CPLX3: variants seen among roughly 807,000 people sequenced by gnomAD.
CPLX3 encodes the protein complexin 3, also known as complexin-3.
In CPLX3, 12 loss-of-function variants were observed where a neutral mutation model predicts 17.2. That is an observed-to-expected ratio of 0.70 (90% CI 0.45 to 1.13). The LOEUF (loss-of-function observed/expected upper bound fraction) is 1.13, where lower values mean the gene tolerates loss of function less well. CPLX3 is among the 50% of genes most tolerant of loss of function. The pLI is 0.00. For missense variants in CPLX3, 172 were observed against 203.2 expected, an observed-to-expected ratio of 0.85 and a Z score of 0.93; for synonymous variants, 75 against 79.4, an observed-to-expected ratio of 0.94 and a Z score of 0.29.
At position 74,830,688 on chromosome 15, in the gene CPLX3, C is replaced by A. The variant is rs1012136391; in HGVS notation, c.*334C>A. 1 of 249,476 alleles carries A rather than the reference C, an allele frequency of 4.0e-6. No individual in the cohort carries two copies. Among genetic ancestry groups the A allele is most frequent in the Non-Finnish European group, 7.9e-6 (1 of 126,688 alleles). The allele number at this position is 249,476 out of a possible 1,614,324, so 15.5% of individuals were successfully genotyped here. Reference sequence around the variant, plus strand: ...AGAGAGACACACACAGGACACAAAACCCCTGGCACGTTCAGAGACAGAAGC... The same window carrying A: ...AGAGAGACACACACAGGACACAAAAACCCTGGCACGTTCAGAGACAGAAGC... On this transcript the variant is annotated 3_prime_UTR_variant, in exon 3 of 3. Transcript: ENST00000395018.
chr15:74,829,560 G>T (rs919972784), intron 2 of CPLX3, among the ~76,000 whole-genome samples: 4 of 152,082 alleles, frequency 2.6e-5, no homozygotes, highest in Admixed American at 1.3e-4. Flanking sequence ...ACCTCACAGG[G>T]TTATTGTGAG....
In CPLX3 at chr15:74,830,650, C is replaced by T. The variant is rs990450286; in HGVS notation, c.*296C>T. The stretch of plus-strand genomic sequence containing the variant: ...GGCCATGGCCCCAAGTTCCTGCACA[C>T]AGGAGCACCCACAGAGAGACACACA... On this transcript the variant is annotated 3_prime_UTR_variant, in exon 3 of 3. Transcript: ENST00000395018. 8 of 361,588 alleles carry T rather than the reference C, an allele frequency of 2.2e-5. No individual in the cohort carries two copies. Among genetic ancestry groups the T allele is most frequent in the African/African-American group, 4.1e-5 (2 of 48,468 alleles). The allele number at this position is 361,588 out of a possible 1,614,324, so 22.4% of individuals were successfully genotyped here. A position where few individuals can be genotyped will look rare whatever the true frequency, so the allele number is the denominator to read the frequency against.
chr15:74,827,246 C>T (rs2063947920), intron 1 of CPLX3, among the ~76,000 whole-genome samples: 3 of 152,216 alleles, frequency 2.0e-5, no homozygotes, highest in African/African-American at 7.2e-5. Context: ...AAAAGTGGTG[C>T]AGCCGCTCAG....
chr15:74,827,573 G>A lies in CPLX3; in HGVS notation c.165-461G>A, dbSNP rs545399143. Among the ~76,000 whole-genome samples, 34 of 152,230 alleles carry A rather than the reference G, an allele frequency of 2.2e-4. No homozygotes were observed. In the South Asian group the frequency reaches 3.5e-3, roughly 16 times the overall value. On this transcript the variant is annotated intron_variant, in intron 1 of 2. Transcript: ENST00000395018. ...TCTCATAAATGATAGCTATTATTTC[G>A]CTCAATCCTGATAACAGTTTTGTGA...
chr15:74,828,931 C>T (rs1438370222), intron 2 of CPLX3, among the ~76,000 whole-genome samples: 3 of 152,160 alleles, frequency 2.0e-5, no homozygotes, highest in Non-Finnish European at 4.4e-5. Context: ...GAATGAAGCA[C>T]AAATCTCTCC....
chr15:74,830,273 G>C lies in CPLX3; in HGVS notation c.396G>C (p.Leu132Phe). ...GGCAGCTGGCCAGCCTTCCTGGCTT[G>C]AACCTGGGCTCACTCAAGGACAAGG... is the stretch of plus-strand genomic sequence containing the variant. ...VLGQLASLPG[L>F]NLGSLKDKAQ... Residue 132 changes from leucine to phenylalanine, a missense_variant, in exon 3 of 3, where the codon TTG becomes TTC. Physicochemically the swap from Leu to Phe is conservative, Grantham distance 22 (BLOSUM62 0). Transcript: ENST00000395018. 9 of 1,613,962 alleles carry C rather than the reference G, an allele frequency of 5.6e-6. No individual in the cohort carries two copies. Among genetic ancestry groups the C allele is most frequent in the Non-Finnish European group, 7.6e-6 (9 of 1,180,032 alleles).
intron 2 of CPLX3, 32 bp from the exon 3 acceptor site, chr15:74,830,098 C>T: frequency 1.3e-6 from 2 of 1,578,254 alleles, no homozygotes; most frequent in Non-Finnish European, 1.7e-6. Context: ...ACTTCCACTC[C>T]ACCCCACCCC....
intron 2 of CPLX3, among the ~76,000 whole-genome samples, chr15:74,829,483 G>A (rs2063958604): frequency 6.6e-6 from 1 of 152,154 alleles, no homozygotes; most frequent in Non-Finnish European, 1.5e-5. Flanking sequence ...TAAATTTAAA[G>A]TAAGTTACTT....
intron 1 of CPLX3, among the ~76,000 whole-genome samples, chr15:74,827,214 C>T (rs2063947818): frequency 6.6e-6 from 1 of 152,182 alleles, no homozygotes; most frequent in South Asian, 2.1e-4. Context: ...AACTGGGGCT[C>T]CTCTGAACTT....
intron 2 of CPLX3, among the ~76,000 whole-genome samples, chr15:74,829,773 T>C (rs1275073035): frequency 3.3e-5 from 5 of 151,982 alleles, no homozygotes; most frequent in African/African-American, 9.7e-5. Context: ...CAGAGTGAAA[T>C]AAGGTAATAT....
Position 74,826,717 on chromosome 15 carries a change from T to C in CPLX3, c.14T>C (p.Val5Ala). The C allele has an allele frequency of 6.2e-7, 1 of 1,610,136 alleles. No individual in the cohort carries two copies. The highest frequency in any genetic ancestry group is 8.5e-7 in the Non-Finnish European group (1 of 1,178,414). ...CCGGCGAAGACCATGGCGTTCATGG[T>C]GAAGACCATGGTGGGCGGCCAGCTG... MAFM[V>A]KTMVGGQLKN... is the part of the protein sequence containing the mutation. The change falls in exon 1 of 3, where the codon GTG becomes GCG. Residue 5 changes from valine to alanine, a missense_variant. Val to Ala is a moderately conservative substitution (Grantham distance 64, BLOSUM62 0). Transcript: ENST00000395018. This position sits in a 1 kb window ranked among gnomAD's most constrained non-coding sequence, Gnocchi z 5.0.
Position 74,829,023 on chromosome 15 carries a change from C to A in CPLX3, c.252+902C>A, listed in dbSNP as rs2063956286. On this transcript the variant is annotated intron_variant, in intron 2 of 2. Coordinates refer to ENST00000395018, the MANE Select transcript of CPLX3 (RefSeq NM_001030005.3). ...GGGCTATAGCGCTCCTGATTTTGAT[C>A]TTCCACTTGAATTGAATGACCAAAT... Among the ~76,000 whole-genome samples the A allele has an allele frequency of 2.0e-5, 3 of 152,274 alleles. No individual in the cohort carries two copies. In the South Asian group the frequency reaches 6.2e-4, roughly 32 times the overall value.
In CPLX3 at chr15:74,827,455, G is replaced by T. The variant is rs529962573; in HGVS notation, c.165-579G>T. On this transcript the variant is annotated intron_variant, in intron 1 of 2. Transcript: ENST00000395018. ...CTCTGTTTCCTTTTCTGGAAAGTGG[G>T]GATGGTAATCATAATACATGCCTTG... is the stretch of plus-strand genomic sequence containing the variant. Among the ~76,000 whole-genome samples the T allele has an allele frequency of 8.5e-4, 130 of 152,306 alleles. 1 individual carries two copies. The highest frequency in any genetic ancestry group is 3.0e-3 in the African/African-American group (125 of 41,540).
Position 74,830,553 on chromosome 15 carries a change from C to G in CPLX3, c.*199C>G. ...GTAAAGTCCCCATCTTCACTCTACC[C>G]TTCAGGACCCTCCCCACCAGCTCAG... On this transcript the variant is annotated 3_prime_UTR_variant, in exon 3 of 3. Coordinates refer to ENST00000395018, the MANE Select transcript of CPLX3 (RefSeq NM_001030005.3). 1 of 574,736 alleles carries G rather than the reference C, an allele frequency of 1.7e-6. No homozygotes were observed. The highest frequency in any genetic ancestry group is 3.1e-6 in the Non-Finnish European group (1 of 321,512). The allele number at this position is 574,736 out of a possible 1,614,324, so 35.6% of individuals were successfully genotyped here. A position where few individuals can be genotyped will look rare whatever the true frequency, so the allele number is the denominator to read the frequency against.
intron 2 of CPLX3, 110 bp from the exon 3 acceptor site, chr15:74,830,020 A>T (rs2063961274): frequency 1.3e-6 from 1 of 757,884 alleles, no homozygotes; most frequent in Non-Finnish European, 2.1e-6. Context: ...AAAAGAAAAA[A>T]TAGAATCTAG....
rs199684945 is a variant in CPLX3 at position 74,830,172 on chromosome 15, G to A, written c.295G>A (p.Val99Met). Reference sequence around the variant, plus strand: ...CCAGATCCAGATGGCAGGTGGAGACGTGGAGCTGCCCCGGGAGCTGGCCAA... The same window carrying A: ...CCAGATCCAGATGGCAGGTGGAGACATGGAGCTGCCCCGGGAGCTGGCCAA... ...ESQIQMAGGD[V>M]ELPRELAKMI... Residue 99 changes from valine to methionine, a missense_variant, in exon 3 of 3, where the codon GTG (valine) becomes ATG (methionine). By Grantham distance (21) the Val-to-Met change is conservative. Transcript: ENST00000395018. 9.5e-5 allele frequency: 153 copies of A among 1,613,928 alleles called. No homozygotes were observed. The highest frequency in any genetic ancestry group is 6.7e-4 in the Middle Eastern group (4 of 5,928).
chr15:74,830,449 C>G lies in CPLX3; in HGVS notation c.*95C>G, dbSNP rs970761151. 3.9e-6 allele frequency: 4 copies of G among 1,028,718 alleles called. No individual in the cohort carries two copies. Among genetic ancestry groups the G allele is most frequent in the Non-Finnish European group, 5.8e-6 (4 of 692,762 alleles). 63.7% of individuals were successfully genotyped at this position (1,028,718 alleles called of 1,614,324 possible). ...CCATACTCCATTTGGGGCTTTGTTT[C>G]CCTTGCCCCATCCTAGTTCCAAGAC... On this transcript the variant is annotated 3_prime_UTR_variant, in exon 3 of 3. Coordinates refer to ENST00000395018, the MANE Select transcript of CPLX3 (RefSeq NM_001030005.3).
chr15:74,828,112 G>C lies in CPLX3; in HGVS notation c.243G>C (p.Arg81=). ...GGAGCCACTTCCGAGACAAATACCGGCTACCCAAGGTAAGCTGGCCCCGGC... is the reference window on the plus strand; with the variant it reads ...GGAGCCACTTCCGAGACAAATACCGCCTACCCAAGGTAAGCTGGCCCCGGC... ...TLRSHFRDKY[R]LPKNETDESQ... The change falls in exon 2 of 3, where the codon CGG becomes CGC. Residue 81 remains arginine, a synonymous_variant. Transcript: ENST00000395018. 1 of 1,591,734 alleles carries C rather than the reference G, an allele frequency of 6.3e-7. No individual in the cohort carries two copies. The highest frequency in any genetic ancestry group is 8.6e-7 in the Non-Finnish European group (1 of 1,168,340).
At position 74,831,727 on chromosome 15, in the gene CPLX3, CAT is replaced by C. The variant is rs2063970357; in HGVS notation, c.*1374_*1375del. On this transcript the variant is annotated 3_prime_UTR_variant, in exon 3 of 3. Transcript: ENST00000395018. Reference sequence around the variant, plus strand: ...CCCTCTCCCCCAAATAGTAATAATACATGTTTCAAAGGGTGACCATTTATAAA... The same window carrying C: ...CCCTCTCCCCCAAATAGTAATAATACGTTTCAAAGGGTGACCATTTATAAA... The C allele has an allele frequency of 1.3e-5, 2 of 152,346 alleles. No individual in the cohort carries two copies. The highest frequency in any genetic ancestry group is 2.1e-4 in the South Asian group (1 of 4,828). The allele number at this position is 152,346 out of a possible 1,614,324, so 9.4% of individuals were successfully genotyped here. A position where few individuals can be genotyped will look rare whatever the true frequency, so the allele number is the denominator to read the frequency against.
Sources: gnomAD v4.1 joint callset for allele counts (sites outside exome capture counted in the v4.1 genomes callset) on GRCh38, gnomAD v4.1.1 for gene constraint, Gnocchi (gnomAD v3.1) non-coding constraint, MANE v1.5 for transcripts, NCBI Gene and HGNC (gene_info 2026-07-23, HGNC 2026-07-21) for gene names.